CIMAP3: variants seen among roughly 807,000 people sequenced by gnomAD.
The protein encoded by CIMAP3 is ciliary microtubule associated protein 3, also known as ciliary microtubule-associated protein 3.
At chr1:111,335,656 C>T in the CIMAP3 span, among the ~76,000 whole-genome samples, 7 of 152,250 alleles carry the variant, frequency 4.6e-5, no homozygotes, top group African/African-American at 1.4e-4. Flanking sequence ...GAGGGGCACC[C>T]GCCATTGCCC....
chr1:111,335,657 G>A, the CIMAP3 span, among the ~76,000 whole-genome samples: 15 of 152,256 alleles, frequency 9.9e-5, no homozygotes, highest in African/African-American at 2.9e-4. Context: ...AGGGGCACCC[G>A]CCATTGCCCA....
the CIMAP3 span, among the ~76,000 whole-genome samples, chr1:111,331,136 ATTCT>A: frequency 1.3e-5 from 2 of 152,192 alleles, no homozygotes; most frequent in Non-Finnish European, 2.9e-5. Context: ...TGCTTTCAAA[ATTCT>A]TTCTTTGTCT....
At chr1:111,347,623 T>TC in the CIMAP3 span, 7,480 of 463,518 alleles carry the variant, frequency 0.016, 36 homozygotes, top group East Asian at 0.04. Flanking sequence ...TTTTTCTTTC[T>TC]TTTTTTTTTT....
the CIMAP3 span, chr1:111,346,634 C>T: frequency 6.8e-6 from 11 of 1,614,200 alleles, no homozygotes; most frequent in Admixed American, 1.7e-4. Flanking sequence ...TACACAAGTG[C>T]TAGCCCTAGC....
At chr1:111,351,621 C>G in the CIMAP3 span, 1 of 252,726 alleles carries the variant, frequency 4.0e-6, no homozygotes, top group African/African-American at 2.2e-5. Flanking sequence ...CTCTCTAGTT[C>G]TAATTCCCAG....
At chr1:111,351,441 C>A in the CIMAP3 span, 2 of 889,422 alleles carry the variant, frequency 2.2e-6, no homozygotes, top group Non-Finnish European at 3.4e-6. Flanking sequence ...CAGCCTGGAG[C>A]CCAGGGAGGG....
the CIMAP3 span, among the ~76,000 whole-genome samples, chr1:111,344,778 TA>T: frequency 1.1e-3 from 160 of 152,280 alleles, no homozygotes; most frequent in African/African-American, 3.8e-3. Flanking sequence ...TTAATGGAAG[TA>T]AAAATCATCA....
the CIMAP3 span, among the ~76,000 whole-genome samples, chr1:111,332,014 A>T: frequency 6.6e-6 from 1 of 152,152 alleles, no homozygotes; most frequent in African/African-American, 2.4e-5. Flanking sequence ...GGCTGAGAGA[A>T]TTGGTGGCAA....
At chr1:111,340,628 A>G in the CIMAP3 span, among the ~76,000 whole-genome samples, 1 of 152,246 alleles carries the variant, frequency 6.6e-6, no homozygotes. Flanking sequence ...ACTGGCCATC[A>G]GAGAAATGCA....
At chr1:111,344,887 C>A in the CIMAP3 span, among the ~76,000 whole-genome samples, 3 of 152,006 alleles carry the variant, frequency 2.0e-5, no homozygotes, top group Admixed American at 2.0e-4. Flanking sequence ...ATGGAGCAGC[C>A]CTATACAGGT....
At chr1:111,349,877 C>T in the CIMAP3 span, 12 of 443,876 alleles carry the variant, frequency 2.7e-5, no homozygotes, top group Non-Finnish European at 4.9e-5. Flanking sequence ...AATCTGGAGT[C>T]GATCTGTGCT....
At chr1:111,329,800 C>T in the CIMAP3 span, among the ~76,000 whole-genome samples, 5 of 151,806 alleles carry the variant, frequency 3.3e-5, no homozygotes, top group East Asian at 1.9e-4. Flanking sequence ...GTAATCAGCC[C>T]GCCTCAGCCT....
the CIMAP3 span, among the ~76,000 whole-genome samples, chr1:111,326,098 G>A: frequency 4.3e-4 from 66 of 152,148 alleles, no homozygotes; most frequent in Admixed American, 9.8e-4. Flanking sequence ...TAATGACCAA[G>A]TCAGGGTATT....
At chr1:111,339,092 A>G in the CIMAP3 span, among the ~76,000 whole-genome samples, 1 of 152,170 alleles carries the variant, frequency 6.6e-6, no homozygotes, top group South Asian at 2.1e-4. Flanking sequence ...AAACAGAACC[A>G]AAGACAAAAA....
the CIMAP3 span, among the ~76,000 whole-genome samples, chr1:111,339,142 C>A: frequency 6.6e-6 from 1 of 151,742 alleles, no homozygotes; most frequent in Non-Finnish European, 1.5e-5. Flanking sequence ...AGGCCTTTGA[C>A]AAAATTCAAA....
chr1:111,332,600 G>A, the CIMAP3 span, among the ~76,000 whole-genome samples: 1 of 152,148 alleles, frequency 6.6e-6, no homozygotes. Context: ...TGTGGGGCTG[G>A]TTCTCAGGTC....
At chr1:111,324,698 T>C in the CIMAP3 span, 2 of 985,184 alleles carry the variant, frequency 2.0e-6, no homozygotes, top group Non-Finnish European at 2.4e-6. Context: ...AAAGTCCCCA[T>C]GTGAGAGTGG....
At chr1:111,340,762 C>G in the CIMAP3 span, among the ~76,000 whole-genome samples, 323 of 152,148 alleles carry the variant, frequency 2.1e-3, 2 homozygotes, top group African/African-American at 7.4e-3. Context: ...GTTGGTGGGA[C>G]TGTAAACTAG....
chr1:111,348,621 T>C, the CIMAP3 span: 1 of 1,607,206 alleles, frequency 6.2e-7, no homozygotes, highest in Non-Finnish European at 8.5e-7. Flanking sequence ...ATTTAAGAAC[T>C]ACCCAAAGGA....
Sources: allele counts gnomAD v4.1 joint callset (sites outside exome capture counted in the v4.1 genomes callset), GRCh38; gene constraint gnomAD v4.1.1; transcripts MANE v1.5; gene names NCBI Gene and HGNC (gene_info 2026-07-23, HGNC 2026-07-21).